The following OR51B5 variants were observed in gnomAD, a reference collection of about 807,000 sequenced individuals.
OR51B5 encodes the protein olfactory receptor 51B5.
For missense variants in OR51B5, 456 were observed against 374.6 expected (o/e 1.22, Z -1.79); for synonymous variants, 186 against 144.8 (o/e 1.28, Z -2.04).
chr11:5,444,468 G>A (rs1047236167), intron 1 of OR51B5, among the ~76,000 whole-genome samples: 2 of 152,132 alleles, frequency 1.3e-5, no homozygotes, highest in African/African-American at 2.4e-5. Flanking sequence ...CCTGGAGTTT[G>A]GAAGGGGTCA....
rs564520927 is a variant in OR51B5, at chr11:5,381,746, T to G, written n.85-34836A>C. On this transcript the variant is annotated intron_variant and non_coding_transcript_variant, in intron 1 of 4. Coordinates refer to the OR51B5 transcript ENST00000415970. ...TGATAAAACAAATCTAAAGGTCATT[T>G]AGAGCAATAAAGAATCAAAAATGCT... 2.0e-5 allele frequency among the ~76,000 whole-genome samples: 3 copies of G among 152,352 alleles called. No individual in the cohort carries two copies. The East Asian group carries it at 5.8e-4, about 29-fold the overall frequency.
chr11:5,442,811 C>T (rs1272148623), intron 1 of OR51B5, among the ~76,000 whole-genome samples: 1 of 152,170 alleles, frequency 6.6e-6, no homozygotes, highest in Non-Finnish European at 1.5e-5. Context: ...CTATGGTCAC[C>T]TAGTGACCTC....
intron 1 of OR51B5, among the ~76,000 whole-genome samples, chr11:5,366,542 G>A (rs958049886): frequency 6.6e-6 from 1 of 152,066 alleles, no homozygotes; most frequent in Non-Finnish European, 1.5e-5. Context: ...CTGGGAGGCG[G>A]AGGTTGCAGT....
intron 1 of OR51B5, among the ~76,000 whole-genome samples, chr11:5,406,600 A>T (rs1015313781): frequency 4.6e-5 from 7 of 152,212 alleles, no homozygotes; most frequent in Non-Finnish European, 7.4e-5. Context: ...ATGGAGCTAA[A>T]TTAAAAATTA....
chr11:5,477,841 C>T (rs1379740745), intron 1 of OR51B5, among the ~76,000 whole-genome samples: 1 of 152,208 alleles, frequency 6.6e-6, no homozygotes, highest in African/African-American at 2.4e-5. Flanking sequence ...TTATATCCCG[C>T]ACCTGGCTCG....
intron 1 of OR51B5, among the ~76,000 whole-genome samples, chr11:5,439,714 A>G (rs982748522): frequency 1.3e-5 from 2 of 152,032 alleles, no homozygotes; most frequent in Admixed American, 1.3e-4. Flanking sequence ...ACTTTTCCAA[A>G]CTCTTGTTAA....
intron 1 of OR51B5, chr11:5,441,218 G>A (rs377180046): frequency 1.6e-5 from 26 of 1,613,876 alleles, no homozygotes; most frequent in African/African-American, 2.7e-5. Context: ...TCTGGACCAG[G>A]CAAGCATTAA....
upstream of OR51B5, among the ~76,000 whole-genome samples, chr11:5,344,300 A>G (rs1158997335): frequency 6.6e-6 from 1 of 152,204 alleles, no homozygotes; most frequent in Admixed American, 6.5e-5. Flanking sequence ...CCTTCAGTTT[A>G]AACATCTTAC....
At chr11:5,388,222 C>A (rs1007918575) in intron 1 of OR51B5, among the ~76,000 whole-genome samples, 2 of 151,468 alleles carry the variant, frequency 1.3e-5, no homozygotes, top group Non-Finnish European at 2.9e-5. Flanking sequence ...AAAAGTCAAT[C>A]CCTAGAGCTA....
At chr11:5,354,477 G>T (rs1849155621) in intron 1 of OR51B5, among the ~76,000 whole-genome samples, 1 of 119,586 alleles carries the variant, frequency 8.4e-6, no homozygotes. Context: ...AAGATAAAAA[G>T]TCCAAGAGAG....
intron 1 of OR51B5, among the ~76,000 whole-genome samples, chr11:5,444,290 G>T (rs996326280): frequency 3.9e-5 from 6 of 152,112 alleles, no homozygotes; most frequent in African/African-American, 7.2e-5. Context: ...ACACACAAAA[G>T]TCAGGTATCA....
At chr11:5,383,146 GTT>G (rs1482441707) in intron 1 of OR51B5, among the ~76,000 whole-genome samples, 3 of 152,042 alleles carry the variant, frequency 2.0e-5, no homozygotes, top group Non-Finnish European at 2.9e-5. Flanking sequence ...AAGGAAAAAA[GTT>G]TTGTAAAGGC....
intron 1 of OR51B5, among the ~76,000 whole-genome samples, chr11:5,368,832 T>C (rs35346292): frequency 0.24 from 36,038 of 152,098 alleles, 4,496 homozygotes; most frequent in Non-Finnish European, 0.26. Flanking sequence ...GGGCAAAGTG[T>C]TCTTAGGAGC....
intron 1 of OR51B5, among the ~76,000 whole-genome samples, chr11:5,432,174 C>T (rs944450205): frequency 6.6e-6 from 1 of 152,184 alleles, no homozygotes; most frequent in African/African-American, 2.4e-5. Flanking sequence ...CTATCCTTAA[C>T]ACACATGCCT....
At chr11:5,427,438 G>A (rs1564810213) in intron 1 of OR51B5, among the ~76,000 whole-genome samples, 1 of 152,248 alleles carries the variant, frequency 6.6e-6, no homozygotes, top group Non-Finnish European at 1.5e-5. Flanking sequence ...AAGGGGAAAA[G>A]CCTTGAATGA....
chr11:5,347,814 G>A (rs565671634), upstream of OR51B5, among the ~76,000 whole-genome samples: 122 of 152,068 alleles, frequency 8.0e-4, no homozygotes, highest in Middle Eastern at 6.8e-3. Flanking sequence ...GGGAGGGAGG[G>A]AAGAACAATA....
At chr11:5,441,529 G>T in intron 1 of OR51B5, 1 of 1,594,030 alleles carries the variant, frequency 6.3e-7, no homozygotes, top group South Asian at 1.1e-5. Flanking sequence ...GGAGAATATA[G>T]ATAGGGAATG....
At chr11:5,389,659 G>T (rs760332134) in intron 1 of OR51B5, 2 of 1,613,588 alleles carry the variant, frequency 1.2e-6, no homozygotes, top group Admixed American at 3.3e-5. Context: ...GGCTGTGTGT[G>T]TCCACGTTGC....
chr11:5,425,082 A>G (rs1850428544), intron 1 of OR51B5, among the ~76,000 whole-genome samples: 1 of 121,610 alleles, frequency 8.2e-6, no homozygotes. Context: ...TCTCTGCTAG[A>G]GCCTAAAAGT....
Sources: gnomAD v4.1 joint callset for allele counts (sites outside exome capture counted in the v4.1 genomes callset) on GRCh38, gnomAD v4.1.1 for gene constraint, MANE v1.5 for transcripts, NCBI Gene and HGNC (gene_info 2026-07-23, HGNC 2026-07-21) for gene names.